GRIP1: variants seen among roughly 807,000 people sequenced by gnomAD.
GRIP1 encodes the protein glutamate receptor-interacting protein 1.
In GRIP1, 45 loss-of-function variants were observed where a neutral mutation model predicts 129.9. The observed-to-expected ratio is 0.35, with a 90% CI of 0.27 to 0.44. The LOEUF is 0.44. Ranked by LOEUF, GRIP1 falls within the 20% of genes least tolerant of loss-of-function variation. GRIP1 has a pLI of 1.00. For missense variants in GRIP1, 1,196 were observed against 1,396.8 expected (o/e 0.86, Z 2.29); for synonymous variants, 530 against 520.8 (o/e 1.02, Z -0.24).
intron 1 of GRIP1, among the ~76,000 whole-genome samples, chr12:66,955,982 T>C (rs909813494): frequency 1.3e-5 from 2 of 152,234 alleles, no homozygotes; most frequent in African/African-American, 4.8e-5. Flanking sequence ...AAAATAAGTT[T>C]GGATTTACAA....
upstream of GRIP1, chr12:66,679,219 G>A: frequency 9.8e-7 from 1 of 1,020,942 alleles, no homozygotes; most frequent in Non-Finnish European, 1.3e-6. Context: ...GACACTGTGT[G>A]AGGAGCCATT....
intron 7 of GRIP1, among the ~76,000 whole-genome samples, chr12:66,487,117 C>A (rs1405272135): frequency 6.6e-6 from 1 of 152,154 alleles, no homozygotes; most frequent in Admixed American, 6.6e-5. Context: ...TCTTTCTGAG[C>A]TCAGACATAG....
chr12:66,959,705 T>G (rs145842561), intron 1 of GRIP1, among the ~76,000 whole-genome samples: 114 of 152,300 alleles, frequency 7.5e-4, no homozygotes, highest in African/African-American at 2.5e-3. Context: ...ATGTATCTCT[T>G]TCCACTTTCT....
At chr12:66,670,432 C>A (rs1296945403) in intron 1 of GRIP1, among the ~76,000 whole-genome samples, 3 of 152,146 alleles carry the variant, frequency 2.0e-5, no homozygotes, top group Admixed American at 1.3e-4. Context: ...ACAAAATGAT[C>A]CACTGGAAAT....
intron 1 of GRIP1, among the ~76,000 whole-genome samples, chr12:66,758,908 G>C (rs1392605368): frequency 6.6e-6 from 1 of 152,132 alleles, no homozygotes; most frequent in Admixed American, 6.5e-5. Flanking sequence ...CTCCCTCCTG[G>C]CTGCTTTCAT....
At chr12:66,565,782 G>A (rs1777056307) in intron 2 of GRIP1, among the ~76,000 whole-genome samples, 1 of 152,114 alleles carries the variant, frequency 6.6e-6, no homozygotes, top group Non-Finnish European at 1.5e-5. Flanking sequence ...CCATTTGTTT[G>A]TGTCCTCTTT....
intron 6 of GRIP1, among the ~76,000 whole-genome samples, chr12:66,516,273 C>A (rs753431027): frequency 6.6e-6 from 1 of 152,088 alleles, no homozygotes; most frequent in Non-Finnish European, 1.5e-5. Context: ...TCAATTGATT[C>A]GATCTCACAT....
At chr12:66,391,263 G>A (rs2056574543) in intron 19 of GRIP1, among the ~76,000 whole-genome samples, 1 of 152,150 alleles carries the variant, frequency 6.6e-6, no homozygotes, top group South Asian at 2.1e-4. Flanking sequence ...AGCAAACAAG[G>A]GATTCAGAGG....
At chr12:66,545,201 A>C (rs573122627) in intron 2 of GRIP1, among the ~76,000 whole-genome samples, 8 of 152,310 alleles carry the variant, frequency 5.3e-5, no homozygotes, top group African/African-American at 1.9e-4. Flanking sequence ...GTTTACAGCT[A>C]TACCATTACT....
At chr12:66,400,977 G>A (rs979318291) in intron 16 of GRIP1, among the ~76,000 whole-genome samples, 1 of 152,080 alleles carries the variant, frequency 6.6e-6, no homozygotes, top group Non-Finnish European at 1.5e-5. Flanking sequence ...TGGGTATTGG[G>A]GATTGGGTAG....
chr12:66,617,621 G>A (rs769908991), intron 1 of GRIP1, among the ~76,000 whole-genome samples: 85 of 151,978 alleles, frequency 5.6e-4, no homozygotes, highest in Non-Finnish European at 1.2e-3. Context: ...GACTGGCTTT[G>A]ATTAGAGCTC....
intron 1 of GRIP1, among the ~76,000 whole-genome samples, chr12:66,642,681 C>CT (rs1319092382): frequency 6.6e-6 from 1 of 152,128 alleles, no homozygotes; most frequent in Non-Finnish European, 1.5e-5. Context: ...AATCCAAAGA[C>CT]TAACATTTGC....
At chr12:66,963,962 G>A (rs2041959581) in intron 1 of GRIP1, among the ~76,000 whole-genome samples, 1 of 152,090 alleles carries the variant, frequency 6.6e-6, no homozygotes, top group Admixed American at 6.5e-5. Context: ...AGGAACCTGG[G>A]AGTGACCATT....
intron 1 of GRIP1, among the ~76,000 whole-genome samples, chr12:66,798,322 T>C (rs2038759990): frequency 6.6e-6 from 1 of 152,108 alleles, no homozygotes; most frequent in Admixed American, 6.6e-5. Flanking sequence ...CGTGAAAGAG[T>C]AATGTGAATA....
At chr12:66,960,372 T>C (rs1488520973) in intron 1 of GRIP1, among the ~76,000 whole-genome samples, 2 of 152,088 alleles carry the variant, frequency 1.3e-5, no homozygotes, top group African/African-American at 4.8e-5. Context: ...CACTTAGCAA[T>C]TGACTAGACA....
chr12:66,965,627 A>T (rs927133594), intron 1 of GRIP1, among the ~76,000 whole-genome samples: 1 of 147,750 alleles, frequency 6.8e-6, no homozygotes, highest in Non-Finnish European at 1.5e-5. Context: ...GGACTAACGG[A>T]TTTTCAAGGT....
At chr12:66,715,273 C>T (rs1034893130) in intron 1 of GRIP1, among the ~76,000 whole-genome samples, 53 of 152,118 alleles carry the variant, frequency 3.5e-4, no homozygotes, top group African/African-American at 1.3e-3. Flanking sequence ...ACTTGCTATA[C>T]TACTTGTGCT....
intron 1 of GRIP1, among the ~76,000 whole-genome samples, chr12:67,057,156 T>C (rs1247707900): frequency 6.6e-6 from 1 of 152,000 alleles, no homozygotes; most frequent in East Asian, 1.9e-4. Context: ...ATACATTGAA[T>C]CCCTAACCCC....
intron 5 of GRIP1, among the ~76,000 whole-genome samples, chr12:66,526,658 CA>C (rs201751980): frequency 0.012 from 1,822 of 151,916 alleles, 41 homozygotes; most frequent in East Asian, 0.1. Context: ...GCAATGGCAA[CA>C]AAAGCCAAAA....
Sources: allele counts gnomAD v4.1 joint callset (sites outside exome capture counted in the v4.1 genomes callset), GRCh38; gene constraint gnomAD v4.1.1; transcripts MANE v1.5; gene names NCBI Gene and HGNC (gene_info 2026-07-23, HGNC 2026-07-21).